The following GALK2 variants were observed in gnomAD, a reference collection of about 807,000 sequenced individuals.
GALK2 encodes N-acetylgalactosamine kinase.
GALK2 carries 36 observed loss-of-function variants against 52.4 expected under a neutral mutation model. That is an observed-to-expected ratio of 0.69 (90% CI 0.53 to 0.91). The LOEUF is 0.91. Ranked by LOEUF, GALK2 falls within the 40% of genes least tolerant of loss-of-function variation. GALK2 has a pLI of 0.00. For synonymous variants in GALK2, 176 were observed against 199.1 expected (o/e 0.88, Z 0.98); for missense variants, 579 against 559.1 (o/e 1.04, Z -0.36).
intron 8 of GALK2, among the ~76,000 whole-genome samples, chr15:49,299,768 TTTCTTTCTTTCTTTCTTTC>T (rs2034911455): frequency 7.7e-6 from 1 of 130,106 alleles, no homozygotes. Flanking sequence ...TCTTTCTTTC[TTTCTTTCTTTCTTTCTTTC>T]TTTCTTTCGT....
At chr15:49,220,752 A>T (rs11070685) in intron 3 of GALK2, among the ~76,000 whole-genome samples, 127,730 of 152,124 alleles carry the variant, frequency 0.84, 54,746 homozygotes, top group Non-Finnish European at 0.93. Context: ...TGTTTTCTTT[A>T]GTCTTATTAG....
At chr15:49,235,603 T>C (rs758543911) in intron 3 of GALK2, 6 of 630,428 alleles carry the variant, frequency 9.5e-6, no homozygotes, top group African/African-American at 5.4e-5. Flanking sequence ...CTCTGAAATA[T>C]ATTGTTTCCT....
chr15:49,295,214 G>T (rs1355531689), intron 8 of GALK2, among the ~76,000 whole-genome samples: 1 of 151,690 alleles, frequency 6.6e-6, no homozygotes, highest in African/African-American at 2.4e-5. Context: ...AAGAAGAAAA[G>T]AAATATAAGG....
At chr15:49,264,986 G>T (rs2092299907) in intron 5 of GALK2, among the ~76,000 whole-genome samples, 1 of 152,178 alleles carries the variant, frequency 6.6e-6, no homozygotes, top group East Asian at 1.9e-4. Flanking sequence ...TGCCCCTACT[G>T]GGGGGTGCCT....
At chr15:49,177,755 G>A in intron 1 of GALK2, 2 of 780,134 alleles carry the variant, frequency 2.6e-6, no homozygotes, top group East Asian at 4.6e-5. Flanking sequence ...TTGTGGACTG[G>A]TTTGGTGATC....
In GALK2 at chr15:49,294,655, TAATC is replaced by T. The variant is rs1189968687; in HGVS notation, c.967+2120_967+2123del. On this transcript the variant is annotated intron_variant, in intron 8 of 9. Transcript: ENST00000560031. ...TGTGCTAGATGCTGGGATACAAAGA[TAATC>T]AGGACACAGTCTCTACTTTATAGTG... Among the ~76,000 whole-genome samples, 1,030 of 152,306 alleles carry T rather than the reference TAATC, an allele frequency of 6.8e-3. 9 individuals are homozygous for T. The highest frequency in any genetic ancestry group is 0.024 in the African/African-American group (985 of 41,566).
chr15:49,190,634 G>A (rs1010765816), intron 1 of GALK2, among the ~76,000 whole-genome samples: 2 of 152,148 alleles, frequency 1.3e-5, no homozygotes, highest in Admixed American at 1.3e-4. Context: ...GAGTCCTTGT[G>A]GATGAACTGC....
chr15:49,341,770 A>G (rs1321010678), intron 3 of GALK2, among the ~76,000 whole-genome samples: 2 of 151,984 alleles, frequency 1.3e-5, no homozygotes, highest in Non-Finnish European at 2.9e-5. Flanking sequence ...TCTTTTAAAT[A>G]TTTTTTTCCT....
chr15:49,280,999 G>T (rs1287790660), intron 5 of GALK2, among the ~76,000 whole-genome samples: 1 of 152,144 alleles, frequency 6.6e-6, no homozygotes, highest in East Asian at 1.9e-4. Context: ...ACAATGCCCA[G>T]CTAATTTTTG....
chr15:49,328,843 C>A lies in GALK2; in HGVS notation c.*684C>A, dbSNP rs1292340232. On this transcript the variant is annotated 3_prime_UTR_variant, in exon 10 of 10. Transcript: ENST00000560031. The stretch of plus-strand genomic sequence containing the variant: ...CAGACTCATTTGAATATTTGTAAAC[C>A]ATGTAATATATAAATAACCACTTTC... The A allele has an allele frequency of 5.8e-6, 8 of 1,372,958 alleles. No homozygotes were observed. In the South Asian group the frequency reaches 1.2e-4, roughly 20 times the overall value. The allele number at this position is 1,372,958 out of a possible 1,614,324, so 85.0% of individuals were successfully genotyped here. A position where few individuals can be genotyped will look rare whatever the true frequency, so the allele number is the denominator to read the frequency against.
intron 3 of GALK2, chr15:49,365,795 T>C (rs965185377): frequency 7.7e-5 from 66 of 859,608 alleles, no homozygotes; most frequent in Middle Eastern, 3.4e-4. Context: ...GCTATTGCTA[T>C]GCACAGTCCA....
At chr15:49,326,277 TTGAGATGGAGTCTCACTG>T (rs1303137049) in intron 9 of GALK2, among the ~76,000 whole-genome samples, 4 of 145,500 alleles carry the variant, frequency 2.7e-5, no homozygotes, top group Non-Finnish European at 1.5e-5. Context: ...TTTTTTTTTT[TTGAGATGGAGTCTCACTG>T]TGTCACGCAG....
intron 3 of GALK2, among the ~76,000 whole-genome samples, chr15:49,233,747 T>G (rs2090635024): frequency 6.6e-6 from 1 of 152,190 alleles, no homozygotes; most frequent in Non-Finnish European, 1.5e-5. Context: ...GACTACGCAT[T>G]TTTGGAAAGC....
intron 8 of GALK2, among the ~76,000 whole-genome samples, chr15:49,311,431 C>G (rs192850343): frequency 6.6e-6 from 1 of 152,298 alleles, no homozygotes; most frequent in Non-Finnish European, 1.5e-5. Flanking sequence ...GTTACATTCT[C>G]TGTTGCTTCT....
At chr15:49,209,610 A>G (rs1160188484) in intron 2 of GALK2, among the ~76,000 whole-genome samples, 1 of 152,102 alleles carries the variant, frequency 6.6e-6, no homozygotes, top group East Asian at 1.9e-4. Flanking sequence ...TTTGTCCTTC[A>G]TTCTGTTGAT....
At chr15:49,208,038 G>A (rs2088465819) in intron 2 of GALK2, among the ~76,000 whole-genome samples, 1 of 152,172 alleles carries the variant, frequency 6.6e-6, no homozygotes, top group Non-Finnish European at 1.5e-5. Flanking sequence ...CTCCCAAAGT[G>A]CTGGGATTAC....
chr15:49,155,816 ATC>A, exon 1 of GALK2: 1 of 719,000 alleles, frequency 1.4e-6, no homozygotes, highest in South Asian at 1.8e-5. Flanking sequence ...CAACTGGGAC[ATC>A]GTCCGGTGCT....
At chr15:49,283,026 C>T (rs2032913410) in intron 6 of GALK2, among the ~76,000 whole-genome samples, 1 of 152,170 alleles carries the variant, frequency 6.6e-6, no homozygotes, top group South Asian at 2.1e-4. Context: ...ATCCTAACCT[C>T]TCACCACTTC....
chr15:49,165,791 A>G (rs1025640847), upstream of GALK2, among the ~76,000 whole-genome samples: 1 of 149,734 alleles, frequency 6.7e-6, no homozygotes, highest in African/African-American at 2.5e-5. Context: ...GGCCCAAGAT[A>G]ATGTATTTCT....
Sources: gnomAD v4.1 joint callset for allele counts (sites outside exome capture counted in the v4.1 genomes callset) on GRCh38, gnomAD v4.1.1 for gene constraint, MANE v1.5 for transcripts, NCBI Gene and HGNC (gene_info 2026-07-23, HGNC 2026-07-21) for gene names.